Variants in SHQ1 observed in about 807,000 individuals in gnomAD.
SHQ1 encodes the protein protein SHQ1 homolog.
In SHQ1, 49 loss-of-function variants were observed where a neutral mutation model predicts 53.8. That is an observed-to-expected ratio of 0.91 (90% CI 0.72 to 1.16). The LOEUF is 1.16. Ranked by LOEUF, SHQ1 falls within the 50% of genes most tolerant of loss-of-function variation. The pLI, the probability that SHQ1 is intolerant of heterozygous loss-of-function variation, is 0.00. For missense variants in SHQ1, 738 were observed against 683.1 expected, an observed-to-expected ratio of 1.08 and a Z score of -0.90; for synonymous variants, 243 against 251.0, an observed-to-expected ratio of 0.97 and a Z score of 0.30.
chr3:72,727,970 G>A, the SHQ1 span, among the ~76,000 whole-genome samples: 6 of 152,196 alleles, frequency 3.9e-5, no homozygotes, highest in Admixed American at 2.0e-4. Context: ...AGAGCAAGCC[G>A]TGGAGTCCCT....
At chr3:72,822,872 G>A (rs1031029529) in intron 6 of SHQ1, among the ~76,000 whole-genome samples, 13 of 152,136 alleles carry the variant, frequency 8.5e-5, no homozygotes, top group African/African-American at 2.9e-4. Context: ...ACTATAGGCC[G>A]GGCGCGGGAG....
intron 10 of SHQ1, chr3:72,752,991 TA>T: frequency 1.0e-6 from 1 of 985,406 alleles, no homozygotes; most frequent in Non-Finnish European, 1.2e-6. Flanking sequence ...AATTACCTGC[TA>T]GATTTATAAT....
chr3:72,740,061 G>C, the SHQ1 span, among the ~76,000 whole-genome samples: 1 of 152,324 alleles, frequency 6.6e-6, no homozygotes, highest in South Asian at 2.1e-4. Flanking sequence ...CCTGCACATG[G>C]GAGCATTGGT....
chr3:72,785,883 C>A (rs187734938), intron 10 of SHQ1, among the ~76,000 whole-genome samples: 1 of 152,344 alleles, frequency 6.6e-6, no homozygotes. Flanking sequence ...CTTTATACAT[C>A]TGTCCCAGCT....
chr3:72,748,139 C>T (rs1443682191), downstream of SHQ1, among the ~76,000 whole-genome samples: 1 of 151,620 alleles, frequency 6.6e-6, no homozygotes, highest in African/African-American at 2.4e-5. Flanking sequence ...GAATAATTTG[C>T]CCTAGACTGA....
intron 2 of SHQ1, 111 bp from the exon 3 acceptor site, chr3:72,842,513 T>C: frequency 1.0e-6 from 1 of 976,186 alleles, no homozygotes; most frequent in Non-Finnish European, 1.5e-6. Flanking sequence ...AGGATCATTT[T>C]AGCCCAGGAG....
intron 1 of SHQ1, among the ~76,000 whole-genome samples, chr3:72,847,563 GAAT>G (rs1708382677): frequency 6.6e-6 from 1 of 152,004 alleles, no homozygotes; most frequent in Non-Finnish European, 1.5e-5. Context: ...TCTGCAAGGA[GAAT>G]AATTTAAACA....
chr3:72,798,441 G>T (rs1706692593), intron 9 of SHQ1, among the ~76,000 whole-genome samples: 1 of 152,102 alleles, frequency 6.6e-6, no homozygotes, highest in Non-Finnish European at 1.5e-5. Context: ...TTTACTTCGG[G>T]GAAAGACTAA....
intron 10 of SHQ1, among the ~76,000 whole-genome samples, chr3:72,763,088 A>G (rs1180376173): frequency 6.7e-6 from 1 of 150,316 alleles, no homozygotes; most frequent in Non-Finnish European, 1.5e-5. Context: ...GAGAGAGAGA[A>G]ATGCTTTAAA....
At chr3:72,726,220 G>C in the SHQ1 span, among the ~76,000 whole-genome samples, 1 of 152,148 alleles carries the variant, frequency 6.6e-6, no homozygotes, top group Non-Finnish European at 1.5e-5. Context: ...AAAGACTCCC[G>C]CCCAGGGAGT....
In SHQ1 at chr3:72,817,774, T is replaced by C. The variant is rs578089206; in HGVS notation, c.728-390A>G. ...TTCGTTATCCATTTTGAAAGTTCTA[T>C]ACCAAGAAATAGGAATACTCCCAGA... On this transcript the variant is annotated intron_variant, in intron 6 of 10. Transcript: ENST00000325599. Among the ~76,000 whole-genome samples the C allele has an allele frequency of 4.6e-5, 7 of 152,282 alleles. No homozygotes were observed. In the East Asian group the frequency reaches 1.3e-3, roughly 29 times the overall value.
chr3:72,824,639 G>T, intron 5 of SHQ1, 88 bp from the exon 6 acceptor site: 1 of 1,414,676 alleles, frequency 7.1e-7, no homozygotes. Context: ...ATTTGTACTA[G>T]AAATACAGAT....
intron 9 of SHQ1, among the ~76,000 whole-genome samples, chr3:72,796,652 C>T (rs968936512): frequency 1.3e-5 from 2 of 151,428 alleles, no homozygotes; most frequent in Non-Finnish European, 2.9e-5. Flanking sequence ...GAAACCCCAT[C>T]TCTACAACAA....
At chr3:72,812,870 G>T in intron 8 of SHQ1, 76 bp from the exon 9 acceptor site, 4 of 1,523,090 alleles carry the variant, frequency 2.6e-6, no homozygotes, top group South Asian at 2.4e-5. Context: ...GAAATAGGAA[G>T]CTTTTCTCAT....
intron 5 of SHQ1, among the ~76,000 whole-genome samples, chr3:72,824,787 C>CTTT (rs36082106): frequency 0.039 from 5,578 of 142,710 alleles, 133 homozygotes; most frequent in Non-Finnish European, 0.053. Flanking sequence ...TTGCTGATCT[C>CTTT]TTTTTTTTTT....
intron 6 of SHQ1, among the ~76,000 whole-genome samples, chr3:72,823,164 AAAAG>A (rs1250939061): frequency 9.2e-5 from 14 of 151,974 alleles, no homozygotes; most frequent in South Asian, 6.2e-4. Flanking sequence ...AAAAAAAAAA[AAAAG>A]AGTCACTATA....
At chr3:72,828,929 T>C (rs950546351) in intron 5 of SHQ1, among the ~76,000 whole-genome samples, 11 of 151,984 alleles carry the variant, frequency 7.2e-5, no homozygotes, top group African/African-American at 2.2e-4. Flanking sequence ...ATCATACTAA[T>C]GGTTCATGGT....
intron 8 of SHQ1, among the ~76,000 whole-genome samples, chr3:72,813,510 G>A (rs1575714958): frequency 6.8e-6 from 1 of 146,170 alleles, no homozygotes; most frequent in African/African-American, 2.5e-5. Flanking sequence ...TCATGCCTGT[G>A]ATCTCAGCAC....
At chr3:72,816,282 G>A (rs574723450) in intron 7 of SHQ1, among the ~76,000 whole-genome samples, 17 of 152,000 alleles carry the variant, frequency 1.1e-4, no homozygotes, top group Admixed American at 3.9e-4. Context: ...AGACACACGC[G>A]CACACTGAAA....
Sources: allele counts gnomAD v4.1 joint callset (sites outside exome capture counted in the v4.1 genomes callset), GRCh38; gene constraint gnomAD v4.1.1; transcripts MANE v1.5; gene names NCBI Gene and HGNC (gene_info 2026-07-23, HGNC 2026-07-21).